MED19: variants seen among roughly 807,000 people sequenced by gnomAD.
The protein encoded by MED19 is mediator of RNA polymerase II transcription subunit 19.
A neutral mutation model predicts 19.9 loss-of-function variants in MED19; 4 were observed. The observed-to-expected ratio is 0.20, with a 90% CI of 0.10 to 0.46. The LOEUF (loss-of-function observed/expected upper bound fraction) is 0.46, where lower values mean the gene tolerates loss of function less well. MED19 is among the 20% of genes least tolerant of loss of function. The pLI is 0.99. For synonymous variants in MED19, 139 were observed against 119.6 expected (o/e 1.16, Z -1.06); for missense variants, 303 against 318.7 (o/e 0.95, Z 0.38).
chr11:57,709,525 C>T (rs1190974336), intron 1 of MED19, among the ~76,000 whole-genome samples: 1 of 152,026 alleles, frequency 6.6e-6, no homozygotes, highest in Admixed American at 6.6e-5. Flanking sequence ...CTTAAAAAGG[C>T]ATCAATTCCT....
chr11:57,708,381 G>A (rs1946531043), intron 1 of MED19, among the ~76,000 whole-genome samples: 1 of 152,046 alleles, frequency 6.6e-6, no homozygotes, highest in African/African-American at 2.4e-5. Context: ...ACTCTCCTAT[G>A]CAAAATTTCT....
chr11:57,712,029 C>G, exon 1 of MED19: 1 of 1,535,860 alleles, frequency 6.5e-7, no homozygotes, highest in Non-Finnish European at 8.8e-7. Flanking sequence ...CCAGGAGGAG[C>G]CGTGGCCGCG....
At chr11:57,709,682 C>CT (rs1299046686) in intron 1 of MED19, among the ~76,000 whole-genome samples, 1 of 152,168 alleles carries the variant, frequency 6.6e-6, no homozygotes, top group Admixed American at 6.5e-5. Flanking sequence ...CCTCATCTTC[C>CT]TAGGTAGCTG....
chr11:57,711,838 G>A, intron 1 of MED19, 125 bp downstream of exon 1: 2 of 1,068,946 alleles, frequency 1.9e-6, no homozygotes, highest in Non-Finnish European at 2.5e-6. Flanking sequence ...TTCCGACTTA[G>A]GGCTCCACAG....
At chr11:57,709,831 G>A (rs564965193) in intron 1 of MED19, among the ~76,000 whole-genome samples, 1 of 152,308 alleles carries the variant, frequency 6.6e-6, no homozygotes, top group African/African-American at 2.4e-5. Flanking sequence ...AAAGTGCTGG[G>A]ATTACTGGCG....
At chr11:57,712,019 C>T in exon 1 of MED19, 1 of 1,534,846 alleles carries the variant, frequency 6.5e-7, no homozygotes, top group Non-Finnish European at 8.8e-7. Flanking sequence ...CTTGTCCGCG[C>T]CAGGAGGAGC....
chr11:57,712,195 G>C, exon 1 of MED19: 3 of 1,490,138 alleles, frequency 2.0e-6, no homozygotes, highest in Non-Finnish European at 2.7e-6. Flanking sequence ...CCTCCGCCCC[G>C]GCGCTGTCTC....
chr11:57,709,192 A>G (rs953550798), intron 1 of MED19, among the ~76,000 whole-genome samples: 3 of 152,128 alleles, frequency 2.0e-5, no homozygotes, highest in Admixed American at 2.0e-4. Context: ...GATCTGCCTG[A>G]CCAACAGGGA....
At chr11:57,704,750 T>TTTGTGC in exon 3 of MED19, 2 of 1,609,568 alleles carry the variant, frequency 1.2e-6, no homozygotes, top group Non-Finnish European at 1.7e-6. Context: ...TACGGCTCTG[T>TTTGTGC]TTGTGCTTGT....
chr11:57,709,312 C>T (rs887803137), intron 1 of MED19, among the ~76,000 whole-genome samples: 22 of 150,650 alleles, frequency 1.5e-4, no homozygotes, highest in African/African-American at 4.9e-4. Flanking sequence ...ACCTGGGAGG[C>T]GGAGGTTGTG....
At chr11:57,704,669 G>GTTTTTTTTTTTT (rs34198151) in intron 3 of MED19, 50 bp downstream of exon 3, 361 of 1,287,542 alleles carry the variant, frequency 2.8e-4, no homozygotes, top group South Asian at 7.2e-4. Context: ...AGAAGGTCAG[G>GTTTTTTTTTTTT]TTTTTTTTTT....
chr11:57,709,040 G>T (rs1408782059), intron 1 of MED19, among the ~76,000 whole-genome samples: 1 of 152,148 alleles, frequency 6.6e-6, no homozygotes, highest in Non-Finnish European at 1.5e-5. Context: ...AATATTTGTT[G>T]CTATTTCCCT....
chr11:57,706,674 A>G (rs1166190224), intron 1 of MED19, among the ~76,000 whole-genome samples: 2 of 152,112 alleles, frequency 1.3e-5, no homozygotes, highest in African/African-American at 4.8e-5. Context: ...CGGAGGTTGC[A>G]GTGAGCTGAG....
chr11:57,704,778 G>T (rs753261096), exon 3 of MED19: 1 of 1,611,378 alleles, frequency 6.2e-7, no homozygotes, highest in South Asian at 1.1e-5. Flanking sequence ...CTTCTTCTTG[G>T]GAGGCTGAAT....
intron 1 of MED19, among the ~76,000 whole-genome samples, chr11:57,707,064 G>T (rs947443615): frequency 6.6e-6 from 1 of 152,094 alleles, no homozygotes; most frequent in South Asian, 2.1e-4. Flanking sequence ...TGGGTGTGGT[G>T]GCATGCGCCT....
chr11:57,711,207 C>T (rs1029669472), intron 1 of MED19, among the ~76,000 whole-genome samples: 1 of 152,144 alleles, frequency 6.6e-6, no homozygotes, highest in Admixed American at 6.5e-5. Context: ...ATTCTTATCC[C>T]TTTTTTGATC....
intron 1 of MED19, 94 bp downstream of exon 1, chr11:57,711,869 G>C (rs1946625060): frequency 7.5e-7 from 1 of 1,337,098 alleles, no homozygotes. Flanking sequence ...CGTTGCCTAG[G>C]TTACCTCGCA....
chr11:57,704,497 T>C, intron 3 of MED19, 101 bp from the exon 4 acceptor site: 1 of 1,572,978 alleles, frequency 6.4e-7, no homozygotes. Flanking sequence ...GGGCAACTGC[T>C]TTTGTCCAAA....
intron 3 of MED19, 47 bp from the exon 4 acceptor site, chr11:57,704,443 C>A: frequency 6.6e-7 from 1 of 1,517,378 alleles, no homozygotes; most frequent in Non-Finnish European, 8.8e-7. Flanking sequence ...TCAAAATCCT[C>A]TACTGTTATG....
Sources: gnomAD v4.1 joint callset for allele counts (sites outside exome capture counted in the v4.1 genomes callset) on GRCh38, gnomAD v4.1.1 for gene constraint, MANE v1.5 for transcripts, NCBI Gene and HGNC (gene_info 2026-07-23, HGNC 2026-07-21) for gene names.